The following C12orf42 variants were observed in gnomAD, a reference collection of about 807,000 sequenced individuals.
The protein encoded by C12orf42 is chromosome 12 open reading frame 42, also known as uncharacterized protein C12orf42.
C12orf42 carries 25 observed loss-of-function variants against 21.6 expected under a neutral mutation model. That is an observed-to-expected ratio of 1.16 (90% CI 0.84 to 1.62). C12orf42 has a LOEUF of 1.62. C12orf42 is among the 40% of genes most tolerant of loss of function. The pLI is 0.00. For synonymous variants in C12orf42, 174 were observed against 175.0 expected (o/e 0.99, Z 0.05); for missense variants, 483 against 459.3 (o/e 1.05, Z -0.47).
chr12:103,120,735 G>T, the C12orf42 span, among the ~76,000 whole-genome samples: 1 of 148,656 alleles, frequency 6.7e-6, no homozygotes. Flanking sequence ...CTATAATAAT[G>T]ATTATTACTA....
In C12orf42 at chr12:103,302,290, T is replaced by C. The variant is rs1348009993; in HGVS notation, c.901A>G (p.Thr301Ala). ...CCTGCCAGATTGCCATGGAGGGAGG[T>C]GTCCGCCTGAGGCCTCCTGTCCCGC... ...TPRDRRPQAD[T>A]SLHGNLAGAP... Residue 301 changes from threonine to alanine, a missense_variant, in exon 6 of 6, where the codon ACC becomes GCC. Thr to Ala is a moderately conservative substitution (Grantham distance 58). Transcript: ENST00000548883. The C allele has an allele frequency of 2.5e-6, 4 of 1,612,842 alleles. No homozygotes were observed. The highest frequency in any genetic ancestry group is 1.3e-5 in the African/African-American group (1 of 74,818).
chr12:103,331,973 G>A (rs2137064334), intron 4 of C12orf42, among the ~76,000 whole-genome samples: 1 of 152,316 alleles, frequency 6.6e-6, no homozygotes, highest in Admixed American at 6.5e-5. Context: ...ACTGGGCTCT[G>A]GAGAATGGGG....
At chr12:103,257,660 C>A (rs1228416529) in intron 10 of C12orf42, among the ~76,000 whole-genome samples, 1 of 151,880 alleles carries the variant, frequency 6.6e-6, no homozygotes, top group Admixed American at 6.6e-5. Flanking sequence ...CAGAAAGGAA[C>A]ATTTCTTAAA....
chr12:103,320,994 T>C (rs2136857614), intron 4 of C12orf42, among the ~76,000 whole-genome samples: 1 of 152,334 alleles, frequency 6.6e-6, no homozygotes, highest in South Asian at 2.1e-4. Flanking sequence ...CTGTGAGTGT[T>C]CTATAGTTGT....
the C12orf42 span, among the ~76,000 whole-genome samples, chr12:103,199,465 T>A: frequency 6.6e-6 from 1 of 152,174 alleles, no homozygotes; most frequent in African/African-American, 2.4e-5. Flanking sequence ...TAAAATTAGA[T>A]AAGTCAACCT....
intron 2 of C12orf42, among the ~76,000 whole-genome samples, chr12:103,413,005 T>C (rs555029812): frequency 2.5e-4 from 38 of 152,320 alleles, no homozygotes; most frequent in African/African-American, 7.0e-4. Context: ...GCAATTGCTT[T>C]TGGAAACTTA....
intron 4 of C12orf42, among the ~76,000 whole-genome samples, chr12:103,357,945 G>C (rs1041368580): frequency 6.6e-6 from 1 of 152,166 alleles, no homozygotes; most frequent in Non-Finnish European, 1.5e-5. Context: ...GTTGACTGGG[G>C]TGTTCTGCTC....
chr12:103,417,609 G>T (rs116083055), intron 2 of C12orf42, among the ~76,000 whole-genome samples: 156 of 152,214 alleles, frequency 1.0e-3, no homozygotes, highest in African/African-American at 3.5e-3. Context: ...TCCGCATCCA[G>T]GTCCCAATCT....
intron 2 of C12orf42, among the ~76,000 whole-genome samples, chr12:103,415,515 G>A (rs929947384): frequency 1.3e-5 from 2 of 152,110 alleles, no homozygotes; most frequent in Admixed American, 1.3e-4. Context: ...TCTAAGATCA[G>A]CCACATGCTC....
At chr12:103,376,760 T>C (rs1031696244) in intron 3 of C12orf42, among the ~76,000 whole-genome samples, 4 of 152,144 alleles carry the variant, frequency 2.6e-5, no homozygotes, top group African/African-American at 9.7e-5. Context: ...AGTGTCTTAG[T>C]GTGGGTTTTC....
chr12:103,135,605 C>T, the C12orf42 span, among the ~76,000 whole-genome samples: 1,001 of 152,202 alleles, frequency 6.6e-3, 13 homozygotes, highest in African/African-American at 0.023. Context: ...CAAGAATAAA[C>T]TCTCACATAT....
At chr12:103,088,705 AAAT>A in the C12orf42 span, among the ~76,000 whole-genome samples, 2 of 152,202 alleles carry the variant, frequency 1.3e-5, no homozygotes, top group Admixed American at 6.5e-5. Context: ...CTAGGTCATA[AAAT>A]GTAGCTTCCA....
intron 2 of C12orf42, among the ~76,000 whole-genome samples, chr12:103,416,889 G>A (rs1170250790): frequency 6.6e-6 from 1 of 152,140 alleles, no homozygotes; most frequent in Non-Finnish European, 1.5e-5. Context: ...TACACTAGTT[G>A]CACAAAAGAT....
the C12orf42 span, among the ~76,000 whole-genome samples, chr12:103,508,046 C>T: frequency 6.6e-6 from 1 of 152,074 alleles, no homozygotes; most frequent in Non-Finnish European, 1.5e-5. Flanking sequence ...TCATTCATTT[C>T]CAAATGTTAT....
the C12orf42 span, among the ~76,000 whole-genome samples, chr12:103,141,675 G>A: frequency 1.3e-5 from 2 of 151,716 alleles, no homozygotes; most frequent in Admixed American, 6.6e-5. Flanking sequence ...GATTACAGGC[G>A]TCCACCACCA....
chr12:103,464,247 A>G (rs1952944698), intron 2 of C12orf42, among the ~76,000 whole-genome samples: 1 of 152,044 alleles, frequency 6.6e-6, no homozygotes, highest in Admixed American at 6.6e-5. Context: ...TTATTTCTTG[A>G]CTTTTTATAA....
At chr12:103,456,676 G>A (rs1040936123) in intron 2 of C12orf42, among the ~76,000 whole-genome samples, 2 of 152,148 alleles carry the variant, frequency 1.3e-5, no homozygotes, top group African/African-American at 4.8e-5. Flanking sequence ...GCCTGTATAT[G>A]TGGTACTGTC....
chr12:103,058,190 C>T, the C12orf42 span, among the ~76,000 whole-genome samples: 9 of 152,102 alleles, frequency 5.9e-5, no homozygotes, highest in African/African-American at 1.9e-4. Context: ...CTCTTGACCT[C>T]GTGATCCACC....
chr12:103,543,628 A>G, the C12orf42 span, among the ~76,000 whole-genome samples: 1 of 151,960 alleles, frequency 6.6e-6, no homozygotes, highest in Non-Finnish European at 1.5e-5. Context: ...AAAAAAACTT[A>G]AAACACTTTA....
Sources: gnomAD v4.1 joint callset for allele counts (sites outside exome capture counted in the v4.1 genomes callset) on GRCh38, gnomAD v4.1.1 for gene constraint, MANE v1.5 for transcripts, NCBI Gene and HGNC (gene_info 2026-07-23, HGNC 2026-07-21) for gene names.